Variants in SLC14A2 observed in about 807,000 individuals in gnomAD.
SLC14A2 encodes the protein urea transporter 2.
In SLC14A2, 91 loss-of-function variants were observed where a neutral mutation model predicts 104.6. That is an observed-to-expected ratio of 0.87 (90% confidence interval 0.73 to 1.04). SLC14A2 has a LOEUF of 1.04. Among genes scored for constraint, SLC14A2 ranks in the 50% least tolerant of loss-of-function variants. The pLI, the probability that SLC14A2 is intolerant of heterozygous loss-of-function variation, is 0.00. For missense variants in SLC14A2, 1,189 were observed against 1,156.0 expected, an observed-to-expected ratio of 1.03 and a Z score of -0.41; for synonymous variants, 476 against 466.4, an observed-to-expected ratio of 1.02 and a Z score of -0.27.
intron 1 of SLC14A2, among the ~76,000 whole-genome samples, chr18:45,459,056 G>A (rs1352190629): frequency 1.3e-5 from 2 of 152,310 alleles, no homozygotes; most frequent in South Asian, 2.1e-4. Context: ...TTGATTTTCA[G>A]AGATCCCTGA....
At chr18:45,177,715 G>A in the SLC14A2 span, among the ~76,000 whole-genome samples, 5 of 152,012 alleles carry the variant, frequency 3.3e-5, no homozygotes, top group Non-Finnish European at 7.3e-5. Context: ...ATATTTGTGG[G>A]ATTATTTGTG....
intron 2 of SLC14A2, among the ~76,000 whole-genome samples, chr18:45,525,778 G>C (rs2043587482): frequency 6.6e-6 from 1 of 152,150 alleles, no homozygotes; most frequent in South Asian, 2.1e-4. Flanking sequence ...AACATACAAT[G>C]GGTCACAATG....
chr18:45,299,379 T>C (rs1465305185), intron 1 of SLC14A2, among the ~76,000 whole-genome samples: 1 of 152,146 alleles, frequency 6.6e-6, no homozygotes, highest in Non-Finnish European at 1.5e-5. Context: ...ACAGATTAGC[T>C]CCCAGGAAAA....
intron 5 of SLC14A2, 40 bp downstream of exon 5, chr18:45,632,518 C>G (rs776758350): frequency 6.2e-7 from 1 of 1,604,566 alleles, no homozygotes; most frequent in Admixed American, 1.7e-5. Flanking sequence ...CTCCATGGGG[C>G]CCCCAAGACA....
upstream of SLC14A2, among the ~76,000 whole-genome samples, chr18:45,611,486 C>T (rs1027133320): frequency 1.3e-5 from 2 of 152,202 alleles, no homozygotes; most frequent in Non-Finnish European, 2.9e-5. Flanking sequence ...AGAAGGTCTA[C>T]ATACCAGCCC....
intron 1 of SLC14A2, among the ~76,000 whole-genome samples, chr18:45,254,638 C>A (rs1472041837): frequency 6.6e-6 from 1 of 152,082 alleles, no homozygotes; most frequent in African/African-American, 2.4e-5. Flanking sequence ...TCCACACTCC[C>A]TTGTCTCTAT....
intron 1 of SLC14A2, among the ~76,000 whole-genome samples, chr18:45,255,520 T>G (rs1252939644): frequency 6.6e-6 from 1 of 152,202 alleles, no homozygotes; most frequent in East Asian, 1.9e-4. Context: ...CAATTTGCTT[T>G]AAAAGACCCT....
chr18:45,207,327 G>T, the SLC14A2 span, among the ~76,000 whole-genome samples: 1 of 148,676 alleles, frequency 6.7e-6, no homozygotes, highest in African/African-American at 2.5e-5. Context: ...GGAAAAAGGG[G>T]GAAGAAAGGG....
intron 2 of SLC14A2, among the ~76,000 whole-genome samples, chr18:45,540,742 C>A (rs191596334): frequency 2.0e-5 from 3 of 152,174 alleles, no homozygotes; most frequent in Admixed American, 2.0e-4. Flanking sequence ...GAGACTTCAT[C>A]TCAAATTAAT....
intron 1 of SLC14A2, among the ~76,000 whole-genome samples, chr18:45,257,575 A>G (rs1041109888): frequency 2.0e-5 from 3 of 152,184 alleles, no homozygotes; most frequent in Non-Finnish European, 2.9e-5. Context: ...GAGTTTTTAG[A>G]AATTACAATA....
At chr18:45,509,588 A>T (rs933484153) in intron 2 of SLC14A2, among the ~76,000 whole-genome samples, 6 of 152,194 alleles carry the variant, frequency 3.9e-5, no homozygotes, top group African/African-American at 1.4e-4. Flanking sequence ...CATGGAGGGG[A>T]CAGGGAAAGA....
At chr18:45,427,127 C>A (rs2086445136) in intron 1 of SLC14A2, among the ~76,000 whole-genome samples, 1 of 152,150 alleles carries the variant, frequency 6.6e-6, no homozygotes, top group Admixed American at 6.5e-5. Flanking sequence ...GACACCTCAC[C>A]CCCTTTCACT....
At chr18:45,682,125 A>C (rs2046318566) in intron 19 of SLC14A2, among the ~76,000 whole-genome samples, 194 bp from the exon 20 acceptor site, 1 of 152,340 alleles carries the variant, frequency 6.6e-6, no homozygotes, top group African/African-American at 2.4e-5. Flanking sequence ...CTGCATTTTG[A>C]AAACTGTGCA....
chr18:45,648,482 G>C (rs141155889), intron 10 of SLC14A2, among the ~76,000 whole-genome samples: 1 of 152,258 alleles, frequency 6.6e-6, no homozygotes, highest in East Asian at 1.9e-4. Context: ...TGGGATTACA[G>C]GCATGAGCCA....
At chr18:45,553,162 G>A (rs765914129) in intron 2 of SLC14A2, among the ~76,000 whole-genome samples, 1 of 152,188 alleles carries the variant, frequency 6.6e-6, no homozygotes, top group Non-Finnish European at 1.5e-5. Context: ...CCTAATAACA[G>A]TTACCATTTT....
chr18:45,266,335 G>C (rs1038822937), intron 1 of SLC14A2, among the ~76,000 whole-genome samples: 2 of 152,078 alleles, frequency 1.3e-5, no homozygotes, highest in African/African-American at 4.8e-5. Context: ...CAATTCTGAC[G>C]GGTTCCTCTC....
At chr18:45,269,474 T>C (rs932467313) in intron 1 of SLC14A2, among the ~76,000 whole-genome samples, 4 of 151,944 alleles carry the variant, frequency 2.6e-5, no homozygotes, top group African/African-American at 9.7e-5. Flanking sequence ...ATATGACGTC[T>C]TACCACAATT....
intron 1 of SLC14A2, among the ~76,000 whole-genome samples, chr18:45,426,608 CTATA>C (rs894699292): frequency 6.9e-6 from 1 of 145,710 alleles, no homozygotes; most frequent in South Asian, 2.2e-4. Flanking sequence ...CATATATGTA[CTATA>C]TATATACACA....
At chr18:45,443,845 T>C (rs1443470565) in intron 1 of SLC14A2, among the ~76,000 whole-genome samples, 1 of 152,124 alleles carries the variant, frequency 6.6e-6, no homozygotes, top group Non-Finnish European at 1.5e-5. Context: ...CTCTCTTCAT[T>C]TGAAATAATA....
Sources: gnomAD v4.1 joint callset for allele counts (sites outside exome capture counted in the v4.1 genomes callset) on GRCh38, gnomAD v4.1.1 for gene constraint, MANE v1.5 for transcripts, NCBI Gene and HGNC (gene_info 2026-07-23, HGNC 2026-07-21) for gene names.